NIBAN2: variants seen among roughly 807,000 people sequenced by gnomAD.
The protein encoded by NIBAN2 is protein Niban 2.
In NIBAN2, 36 loss-of-function variants were observed where a neutral mutation model predicts 81.8. That is an observed-to-expected ratio of 0.44 (90% CI 0.34 to 0.58). The LOEUF is 0.58. Among genes scored for constraint, NIBAN2 ranks in the 20% least tolerant of loss-of-function variants. The pLI is 0.02. For synonymous variants in NIBAN2, 445 were observed against 441.6 expected (o/e 1.01, Z -0.10); for missense variants, 897 against 1,014.1 (o/e 0.88, Z 1.57).
chr9:127,561,045 G>C, intron 1 of NIBAN2: 4 of 864,360 alleles, frequency 4.6e-6, no homozygotes, highest in Non-Finnish European at 4.2e-6. Flanking sequence ...TTGACACATG[G>C]GTGGGCAAGG....
At chr9:127,571,721 CAG>C (rs765392513), upstream of NIBAN2, among the ~76,000 whole-genome samples, 3 of 150,676 alleles carry the variant, frequency 2.0e-5, no homozygotes, top group Non-Finnish European at 4.4e-5. Context: ...AAGAAAAAAA[CAG>C]AAAGTGGAAA....
Position 127,527,443 on chromosome 9 carries a change from T to G in NIBAN2, c.187-121A>C, listed in dbSNP as rs937952702. On this transcript the variant is annotated intron_variant, in intron 2 of 13. Coordinates refer to ENST00000373312, the MANE Select transcript of NIBAN2 (RefSeq NM_022833.4). ...CCCCCTGCCTAGCATGTCCTCCATT[T>G]TGGGTCTCCCCAAGTCCTCCCAAGG... The G allele has an allele frequency of 7.1e-6, 7 of 987,376 alleles. No homozygotes were observed. In the African/African-American group the frequency reaches 8.0e-5, roughly 11 times the overall value. 61.2% of individuals were successfully genotyped at this position (987,376 alleles called of 1,614,324 possible). A position where few individuals can be genotyped will look rare whatever the true frequency, so the allele number is the denominator to read the frequency against.
At chr9:127,509,461 C>A (rs187579156) in intron 9 of NIBAN2, among the ~76,000 whole-genome samples, 1 of 152,290 alleles carries the variant, frequency 6.6e-6, no homozygotes. Context: ...TCCTCAGCTT[C>A]AAAATTGGGA....
chr9:127,564,811 T>C (rs538059370), intron 1 of NIBAN2, among the ~76,000 whole-genome samples: 1 of 151,318 alleles, frequency 6.6e-6, no homozygotes, highest in East Asian at 1.9e-4. Context: ...AGGCGGAGGT[T>C]GTAGTGAGCT....
In NIBAN2 at chr9:127,559,634, T is replaced by C. The variant is rs934079964; in HGVS notation, c.55+9186A>G. Among the ~76,000 whole-genome samples the C allele has an allele frequency of 2.0e-5, 3 of 152,210 alleles. No individual in the cohort carries two copies. Among genetic ancestry groups the C allele is most frequent in the South Asian group, 2.1e-4 (1 of 4,838 alleles). ...TGCTCAGCATGGGGCATGGGAAAGA[T>C]GGACAGCAGCTGCAGTTGGCTTGGC... On this transcript the variant is annotated intron_variant, in intron 1 of 13. Transcript: ENST00000373312. This position sits in a 1 kb window ranked among gnomAD's most constrained non-coding sequence, Gnocchi z 4.0.
chr9:127,510,304 C>T lies in NIBAN2; in HGVS notation c.1003G>A (p.Val335Met), dbSNP rs574506801. The T allele has an allele frequency of 2.6e-5, 42 of 1,613,216 alleles. No individual in the cohort carries two copies. The highest frequency in any genetic ancestry group is 1.6e-4 in the Middle Eastern group (1 of 6,084). The part of the protein sequence containing the change: ...AFILPKAEVC[V>M]RNHVQPYIPS... ...ATGTAGGGCTGGACATGGTTCCGCA[C>T]GCACACCTCTGCCTTGGGGAGGATG... Residue 335 changes from valine to methionine, a missense_variant, in exon 9 of 14, where the codon GTG becomes ATG. This residue lies in a region of NIBAN2 where 619 missense variants were observed against 691.0 expected (regional missense o/e 0.90). Transcript: ENST00000373312.
intron 1 of NIBAN2, among the ~76,000 whole-genome samples, chr9:127,539,188 T>C (rs1837333748): frequency 6.6e-6 from 1 of 151,766 alleles, no homozygotes; most frequent in African/African-American, 2.4e-5. Flanking sequence ...ACTCACTGAC[T>C]CACTCAAAGA....
intron 1 of NIBAN2, among the ~76,000 whole-genome samples, chr9:127,549,271 C>A (rs1461529876): frequency 6.6e-6 from 1 of 152,224 alleles, no homozygotes; most frequent in Admixed American, 6.5e-5. Context: ...AGGTTCTTCC[C>A]AAGTTGCCTC....
intron 1 of NIBAN2, among the ~76,000 whole-genome samples, chr9:127,565,946 T>TCTCTCTCTCACACACACA (rs751937125): frequency 2.5e-4 from 33 of 130,610 alleles, no homozygotes; most frequent in African/African-American, 1.0e-3. Context: ...TCTCTCTCTC[T>TCTCTCTCTCACACACACA]CACACACACA....
intron 1 of NIBAN2, among the ~76,000 whole-genome samples, chr9:127,553,975 C>T (rs1837621965): frequency 6.6e-6 from 1 of 152,152 alleles, no homozygotes; most frequent in African/African-American, 2.4e-5. Flanking sequence ...TCCTCACCAC[C>T]CCAATGCCCC....
chr9:127,542,600 A>T (rs1039581991), intron 1 of NIBAN2, among the ~76,000 whole-genome samples: 2 of 152,262 alleles, frequency 1.3e-5, no homozygotes, highest in Middle Eastern at 6.8e-3. Context: ...GGTCCTGGGG[A>T]TGAGGAAATG....
chr9:127,569,733 G>C (rs976627760), upstream of NIBAN2, among the ~76,000 whole-genome samples: 2 of 152,192 alleles, frequency 1.3e-5, no homozygotes, highest in Non-Finnish European at 2.9e-5. Flanking sequence ...CTATAGGAAG[G>C]GGGTGGGGAA....
chr9:127,518,653 C>T (rs371593905), intron 5 of NIBAN2, among the ~76,000 whole-genome samples: 4 of 152,224 alleles, frequency 2.6e-5, no homozygotes, highest in Non-Finnish European at 4.4e-5. Flanking sequence ...TCACTGAACC[C>T]GAAATGGCCT....
intron 9 of NIBAN2, 143 bp downstream of exon 9, chr9:127,510,003 C>G: frequency 1.4e-6 from 1 of 705,276 alleles, no homozygotes; most frequent in Non-Finnish European, 2.3e-6. Flanking sequence ...ACAGCCTCTG[C>G]CCCTAGTCCC....
At position 127,509,093 on chromosome 9, in the gene NIBAN2, C is replaced by G. The variant is rs2132151379; in HGVS notation, c.1200G>C (p.Leu400=). 2 of 1,613,182 alleles carry G rather than the reference C, an allele frequency of 1.2e-6. No individual in the cohort carries two copies. Among genetic ancestry groups the G allele is most frequent in the African/African-American group, 1.3e-5 (1 of 75,048 alleles). Residue 400 remains leucine (L), a synonymous_variant, in exon 10 of 14, where the codon CTG becomes CTC. Coordinates refer to ENST00000373312, the MANE Select transcript of NIBAN2 (RefSeq NM_022833.4). ...TCTTCTCATAGCAGCTCTGCATCTT[C>G]AGGGGGTGGTACGCCAGCCGGGACA... ...EKLSRLAYHP[L]KMQSCYEKME...
At chr9:127,561,326 G>A (rs1837770497) in intron 1 of NIBAN2, 4 of 984,172 alleles carry the variant, frequency 4.1e-6, no homozygotes, top group Non-Finnish European at 4.8e-6. Flanking sequence ...CAGGGAGCAG[G>A]GGATGCACGA....
In NIBAN2 at chr9:127,506,959, A is replaced by G; in HGVS notation, c.2127T>C (p.Leu709=). 1.9e-6 allele frequency: 3 copies of G among 1,606,866 alleles called. No homozygotes were observed. Among genetic ancestry groups the G allele is most frequent in the Non-Finnish European group, 2.5e-6 (3 of 1,176,906 alleles). The change falls in exon 14 of 14, where the codon CTT becomes CTC. Residue 709 remains leucine (L), a synonymous_variant. Coordinates refer to ENST00000373312, the MANE Select transcript of NIBAN2 (RefSeq NM_022833.4). ...QHLLPGKAVD[L]GPPKPSDQET... is the part of the protein sequence containing the mutation. ...CCTGGTCGCTGGGCTTGGGGGGCCC[A>G]AGGTCCACAGCCTTTCCAGGCAGGA... is the stretch of plus-strand genomic sequence containing the variant.
chr9:127,547,079 T>C (rs1837485128), intron 1 of NIBAN2, among the ~76,000 whole-genome samples: 1 of 151,828 alleles, frequency 6.6e-6, no homozygotes, highest in Admixed American at 6.6e-5. Flanking sequence ...TATCAGCACG[T>C]CCTAGGTCAA....
chr9:127,576,179 T>C (rs1232031536), intron 1 of NIBAN2, among the ~76,000 whole-genome samples: 1 of 152,124 alleles, frequency 6.6e-6, no homozygotes, highest in Admixed American at 6.5e-5. Context: ...GAGGGGAACG[T>C]GACAGTGAGG....
Sources: allele counts gnomAD v4.1 joint callset (sites outside exome capture counted in the v4.1 genomes callset), GRCh38; gene constraint gnomAD v4.1.1; regional missense constraint gnomAD v4.1.1; non-coding constraint Gnocchi (gnomAD v3.1); transcripts MANE v1.5; gene names NCBI Gene and HGNC (gene_info 2026-07-23, HGNC 2026-07-21).